BABAM2: variants seen among roughly 807,000 people sequenced by gnomAD.
BABAM2 encodes the protein BRISC and BRCA1-A complex member 2.
BABAM2 carries 31 observed loss-of-function variants against 54.7 expected under a neutral mutation model. The observed-to-expected ratio is 0.57, with a 90% CI of 0.43 to 0.77. The LOEUF is 0.77. Among genes scored for constraint, BABAM2 ranks in the 30% least tolerant of loss-of-function variants. The pLI is 0.00. For synonymous variants in BABAM2, 167 were observed against 162.9 expected, an observed-to-expected ratio of 1.03 and a Z score of -0.19; for missense variants, 364 against 455.8, an observed-to-expected ratio of 0.80 and a Z score of 1.83.
chr2:28,071,833 A>G (rs972361655), intron 6 of BABAM2, among the ~76,000 whole-genome samples: 1 of 152,208 alleles, frequency 6.6e-6, no homozygotes, highest in Non-Finnish European at 1.5e-5. Flanking sequence ...GTTTCAACTT[A>G]CTGCAATTCT....
intron 6 of BABAM2, among the ~76,000 whole-genome samples, chr2:28,113,987 G>A (rs932166439): frequency 6.6e-6 from 1 of 152,184 alleles, no homozygotes; most frequent in South Asian, 2.1e-4. Flanking sequence ...TGTGATTTTT[G>A]CATGCAATAA....
At chr2:27,927,461 T>C (rs1667792505) in intron 2 of BABAM2, among the ~76,000 whole-genome samples, 1 of 152,176 alleles carries the variant, frequency 6.6e-6, no homozygotes, top group Admixed American at 6.5e-5. Flanking sequence ...AAAATCTTAG[T>C]GTTGGTTATA....
chr2:28,230,938 T>C (rs1357724094), intron 7 of BABAM2, among the ~76,000 whole-genome samples: 7 of 152,206 alleles, frequency 4.6e-5, no homozygotes, highest in Admixed American at 4.6e-4. Context: ...TAATCACTTA[T>C]TCTACTATTT....
chr2:28,129,258 C>A lies in BABAM2; in HGVS notation c.571-13C>A, dbSNP rs1390348029. 1.9e-6 allele frequency: 3 copies of A among 1,602,740 alleles called. No individual in the cohort carries two copies. Among genetic ancestry groups the A allele is most frequent in the East Asian group, 4.5e-5 (2 of 44,810 alleles). On this transcript the variant is annotated splice_polypyrimidine_tract_variant and intron_variant, in intron 6 of 11. Transcript: ENST00000379624. ...AACAGGTGCTGATGTTGTGTTTTCA[C>A]TTCTTGTTTAAGGATGTAAATGAAG...
At chr2:27,969,092 G>A (rs1399320497) in intron 3 of BABAM2, among the ~76,000 whole-genome samples, 6 of 152,158 alleles carry the variant, frequency 3.9e-5, no homozygotes, top group African/African-American at 1.2e-4. Flanking sequence ...TAGTGAGTAA[G>A]TCTCATGAGA....
At chr2:27,933,716 G>C (rs1365990308) in intron 3 of BABAM2, among the ~76,000 whole-genome samples, 2 of 150,020 alleles carry the variant, frequency 1.3e-5, no homozygotes, top group Non-Finnish European at 3.0e-5. Context: ...GCCTGCTTCA[G>C]CCTCCCAAAA....
chr2:28,026,467 C>G (rs1353610495), intron 5 of BABAM2, among the ~76,000 whole-genome samples: 1 of 151,680 alleles, frequency 6.6e-6, no homozygotes, highest in Non-Finnish European at 1.5e-5. Context: ...TGATTCTCAG[C>G]AAACTAACAC....
chr2:28,201,374 G>A (rs1047464481), intron 7 of BABAM2, among the ~76,000 whole-genome samples: 1 of 151,998 alleles, frequency 6.6e-6, no homozygotes, highest in Non-Finnish European at 1.5e-5. Flanking sequence ...CTCAACATTT[G>A]TTTGCTGCCT....
chr2:28,212,967 C>A (rs1009381971), intron 7 of BABAM2, among the ~76,000 whole-genome samples: 3 of 152,008 alleles, frequency 2.0e-5, no homozygotes, highest in African/African-American at 7.2e-5. Flanking sequence ...ACCTGTAATC[C>A]CAGCACTTTG....
At chr2:28,198,366 C>T (rs1188398136) in intron 7 of BABAM2, among the ~76,000 whole-genome samples, 1 of 152,080 alleles carries the variant, frequency 6.6e-6, no homozygotes, top group African/African-American at 2.4e-5. Context: ...CGGGGTTTCA[C>T]CATATTAGCC....
chr2:28,108,044 G>A (rs1667678885), intron 6 of BABAM2, among the ~76,000 whole-genome samples: 1 of 152,158 alleles, frequency 6.6e-6, no homozygotes. Context: ...GGAGCATTAG[G>A]AGGATTATTT....
chr2:28,150,893 C>A (rs1671964892), intron 7 of BABAM2, among the ~76,000 whole-genome samples: 1 of 152,098 alleles, frequency 6.6e-6, no homozygotes, highest in Non-Finnish European at 1.5e-5. Flanking sequence ...TTAAAAAAAA[C>A]AATGTGAGAA....
intron 5 of BABAM2, among the ~76,000 whole-genome samples, chr2:28,039,108 G>A (rs1378411965): frequency 6.6e-6 from 1 of 152,126 alleles, no homozygotes; most frequent in Non-Finnish European, 1.5e-5. Flanking sequence ...AAAGGGCAGT[G>A]GTCCTGTCTC....
At chr2:28,139,321 C>CAAAAAAAAAGAAAAAAA (rs1670829090) in intron 7 of BABAM2, among the ~76,000 whole-genome samples, 1 of 87,090 alleles carries the variant, frequency 1.1e-5, no homozygotes, top group Non-Finnish European at 2.0e-5. Flanking sequence ...AACTCCGTCT[C>CAAAAAAAAAGAAAAAAA]AAAAAAAAAA....
intron 7 of BABAM2, among the ~76,000 whole-genome samples, chr2:28,200,059 A>T (rs1678094141): frequency 6.6e-6 from 1 of 152,230 alleles, no homozygotes; most frequent in Admixed American, 6.5e-5. Flanking sequence ...TATAATACAC[A>T]TTTTCATTCT....
upstream of BABAM2, chr2:27,890,505 G>A (rs1395056020): frequency 7.9e-6 from 5 of 634,594 alleles, no homozygotes; most frequent in South Asian, 7.3e-5. The surrounding 1 kb of genome is among the most constrained non-coding windows in gnomAD (Gnocchi z 4.8). Context: ...CCCACCAAGT[G>A]TCCCCTCTTC....
chr2:27,903,138 T>C, intron 2 of BABAM2, among the ~76,000 whole-genome samples: 1 of 150,620 alleles, frequency 6.6e-6, no homozygotes, highest in Admixed American at 6.6e-5. Flanking sequence ...CCTCATTTAT[T>C]GAGAAGGCCA....
chr2:28,210,855 A>G (rs1218664726), intron 7 of BABAM2, among the ~76,000 whole-genome samples: 2 of 152,324 alleles, frequency 1.3e-5, no homozygotes, highest in Non-Finnish European at 2.9e-5. Flanking sequence ...TGAAATGATT[A>G]TATTTCTTCT....
chr2:28,206,819 C>T (rs1678895671), intron 7 of BABAM2, among the ~76,000 whole-genome samples: 1 of 152,206 alleles, frequency 6.6e-6, no homozygotes, highest in South Asian at 2.1e-4. Context: ...ACTACTCTTA[C>T]AACATTATTT....
Sources: gnomAD v4.1 joint callset for allele counts (sites outside exome capture counted in the v4.1 genomes callset) on GRCh38, gnomAD v4.1.1 for gene constraint, Gnocchi (gnomAD v3.1) non-coding constraint, MANE v1.5 for transcripts, NCBI Gene and HGNC (gene_info 2026-07-23, HGNC 2026-07-21) for gene names.